Variants in FAM20B observed in about 807,000 individuals in gnomAD.
FAM20B encodes glycosaminoglycan xylosylkinase.
FAM20B carries 23 observed loss-of-function variants against 43.8 expected under a neutral mutation model. That is an observed-to-expected ratio of 0.53 (90% CI 0.38 to 0.74). The LOEUF (loss-of-function observed/expected upper bound fraction) is 0.74. FAM20B is among the 30% of genes least tolerant of loss of function. The probability of loss-of-function intolerance (pLI) is 0.00; values close to 1 mark genes in which losing one functional copy is unlikely to be tolerated. For missense variants in FAM20B, 440 were observed against 510.5 expected (o/e 0.86, Z 1.33); for synonymous variants, 178 against 192.4 (o/e 0.93, Z 0.62).
chr1:179,019,787 G>C, the FAM20B span, among the ~76,000 whole-genome samples: 1 of 152,104 alleles, frequency 6.6e-6, no homozygotes, highest in Admixed American at 6.6e-5. Context: ...GCATTGCCAT[G>C]GTGAAAATAC....
chr1:179,069,993 GTT>G (rs1386511443), intron 7 of FAM20B, among the ~76,000 whole-genome samples: 1 of 152,032 alleles, frequency 6.6e-6, no homozygotes, highest in Non-Finnish European at 1.5e-5. Flanking sequence ...TGGTGTCTTA[GTT>G]CGTTTTGTGC....
intron 4 of FAM20B, among the ~76,000 whole-genome samples, chr1:179,062,173 C>A (rs1468809425): frequency 1.3e-5 from 2 of 152,072 alleles, no homozygotes; most frequent in Non-Finnish European, 2.9e-5. Context: ...CTCCTTAATT[C>A]CTTTTAATGT....
intron 1 of FAM20B, among the ~76,000 whole-genome samples, chr1:179,030,007 T>C (rs1290332115): frequency 6.6e-6 from 1 of 152,200 alleles, no homozygotes; most frequent in Non-Finnish European, 1.5e-5. Context: ...GTAGTCAGTC[T>C]TTGTCTTCTT....
At position 179,043,919 on chromosome 1, in the gene FAM20B, G is replaced by T. The variant is rs1208715021; in HGVS notation, c.72G>T (p.Leu24=). The stretch of plus-strand genomic sequence containing the variant: ...TTTTTATCTTCACCAAAGTTTTCCT[G>T]ATTGACAACTTAGATACATCAGCTG... ...LVIFIFTKVF[L]IDNLDTSAAN... The change falls in exon 2 of 8, where the codon CTG becomes CTT. Residue 24 remains leucine, a synonymous_variant. Transcript: ENST00000263733. 1 of 1,612,178 alleles carries T rather than the reference G, an allele frequency of 6.2e-7. No homozygotes were observed. The highest frequency in any genetic ancestry group is 1.7e-5 in the Admixed American group (1 of 59,966).
chr1:179,062,982 T>G (rs2102520230), intron 4 of FAM20B, among the ~76,000 whole-genome samples: 1 of 152,080 alleles, frequency 6.6e-6, no homozygotes, highest in South Asian at 2.1e-4. Context: ...TTCCTTTAAT[T>G]AAAGTGAGTT....
At chr1:179,037,886 G>T (rs1053337342) in intron 1 of FAM20B, among the ~76,000 whole-genome samples, 3 of 152,120 alleles carry the variant, frequency 2.0e-5, no homozygotes, top group East Asian at 3.9e-4. Flanking sequence ...AAAAGGAGAA[G>T]TTTTGAAATA....
upstream of FAM20B, among the ~76,000 whole-genome samples, chr1:179,021,367 G>GCATATTACA (rs1337366708): frequency 1.3e-5 from 2 of 152,076 alleles, no homozygotes; most frequent in Non-Finnish European, 2.9e-5. Context: ...ACCATCCTAG[G>GCATATTACA]CATATTACAA....
At chr1:179,035,448 CACAA>C in intron 1 of FAM20B, 1 of 707,794 alleles carries the variant, frequency 1.4e-6, no homozygotes, top group Non-Finnish European at 2.6e-6. Flanking sequence ...AATGTAGCTT[CACAA>C]ACAGCTTGGG....
At chr1:179,036,489 A>G (rs555938414) in intron 1 of FAM20B, among the ~76,000 whole-genome samples, 1 of 152,352 alleles carries the variant, frequency 6.6e-6, no homozygotes, top group Non-Finnish European at 1.5e-5. Flanking sequence ...GAAATAGAGC[A>G]GGCACATTCT....
intron 2 of FAM20B, among the ~76,000 whole-genome samples, chr1:179,047,746 C>T (rs1650835711): frequency 1.4e-5 from 2 of 145,758 alleles, no homozygotes; most frequent in Non-Finnish European, 1.6e-5. Flanking sequence ...GCTGTTCTGA[C>T]CCCCAGGGCT....
At position 179,064,376 on chromosome 1, in the gene FAM20B, T is replaced by C. The variant is rs1436392188; in HGVS notation, c.818T>C (p.Leu273Ser). ...TSPYDSGPRL[L>S]DIIDTAVFDY... ...CCTTATGACTCTGGCCCGCGCCTCT[T>C]GGACATCATTGACACAGCTGTCTTT... The change falls in exon 6 of 8, where the codon TTG (leucine) becomes TCG (serine). Residue 273 changes from leucine to serine, a missense_variant. Physicochemically the swap from Leu to Ser is moderately radical, Grantham distance 145 (BLOSUM62 -2). Coordinates refer to ENST00000263733, the MANE Select transcript of FAM20B (RefSeq NM_014864.4). 3.1e-6 allele frequency: 5 copies of C among 1,614,166 alleles called. No individual in the cohort carries two copies. In the East Asian group the frequency reaches 8.9e-5, roughly 29 times the overall value.
chr1:179,049,357 C>G (rs1449887623), intron 2 of FAM20B, among the ~76,000 whole-genome samples: 1 of 152,050 alleles, frequency 6.6e-6, no homozygotes, highest in Non-Finnish European at 1.5e-5. Flanking sequence ...CCTCCCACTG[C>G]CAGTCCAGGA....
chr1:179,033,093 C>T (rs1650076686), intron 1 of FAM20B, among the ~76,000 whole-genome samples: 1 of 152,182 alleles, frequency 6.6e-6, no homozygotes, highest in Non-Finnish European at 1.5e-5. Context: ...AGACAGCCCA[C>T]GGTAAAAGCG....
At chr1:179,064,907 G>A (rs901825011) in intron 6 of FAM20B, among the ~76,000 whole-genome samples, 9 of 152,134 alleles carry the variant, frequency 5.9e-5, no homozygotes, top group African/African-American at 2.2e-4. Flanking sequence ...TTATTTGGTA[G>A]GATGTTTTGC....
At chr1:179,041,153 A>C (rs1421171877) in intron 1 of FAM20B, among the ~76,000 whole-genome samples, 2 of 142,460 alleles carry the variant, frequency 1.4e-5, no homozygotes, top group East Asian at 4.3e-4. Flanking sequence ...CCGGGCAGAG[A>C]CGCTCCTCAC....
rs541721925 is a variant in FAM20B at position 179,052,552 on chromosome 1, C to T, written c.465-1977C>T. ...TTGAACAAATAACTGCTTTTTTATA[C>T]ACATATCTAAGACATTTCTAGGAAC... On this transcript the variant is annotated intron_variant, in intron 3 of 7. Coordinates refer to ENST00000263733, the MANE Select transcript of FAM20B (RefSeq NM_014864.4). 2.0e-5 allele frequency among the ~76,000 whole-genome samples: 3 copies of T among 152,222 alleles called. No homozygotes were observed. The South Asian group carries it at 6.2e-4, about 32-fold the overall frequency.
chr1:179,034,698 A>C (rs1650147739), intron 1 of FAM20B, among the ~76,000 whole-genome samples: 1 of 152,220 alleles, frequency 6.6e-6, no homozygotes, highest in African/African-American at 2.4e-5. Context: ...TGTAGTTCCT[A>C]CTCAGGATCA....
Position 179,044,214 on chromosome 1 carries a change from A to C in FAM20B, c.367A>C (p.Lys123Gln). The stretch of plus-strand genomic sequence containing the variant: ...TGAAGGAGGCCAGAAAGTTGTTTTC[A>C]AACCTAAGCGGTAAGTTTTGATCTT... ...ILEGGQKVVF[K>Q]PKRYSRDHVV... Residue 123 changes from lysine to glutamine, a missense_variant, in exon 2 of 8, where the codon AAA (lysine) becomes CAA (glutamine). Coordinates refer to ENST00000263733, the MANE Select transcript of FAM20B (RefSeq NM_014864.4). The C allele has an allele frequency of 6.2e-7, 1 of 1,604,442 alleles. No individual in the cohort carries two copies. The highest frequency in any genetic ancestry group is 8.5e-7 in the Non-Finnish European group (1 of 1,174,162).
chr1:179,033,960 G>A (rs546493270), intron 1 of FAM20B, among the ~76,000 whole-genome samples: 1 of 152,238 alleles, frequency 6.6e-6, no homozygotes, highest in African/African-American at 2.4e-5. Flanking sequence ...CCAAAGTGCT[G>A]GGATTACAGG....
Sources: gnomAD v4.1 joint callset for allele counts (sites outside exome capture counted in the v4.1 genomes callset) on GRCh38, gnomAD v4.1.1 for gene constraint, MANE v1.5 for transcripts, NCBI Gene and HGNC (gene_info 2026-07-23, HGNC 2026-07-21) for gene names.